Variants in XKR4 observed in about 807,000 individuals in gnomAD.
XKR4 encodes the protein XK related 4, also known as XK-related protein 4.
A neutral mutation model predicts 53.9 loss-of-function variants in XKR4; 12 were observed. The ratio of observed to expected loss-of-function variants is 0.22; its 90% CI spans 0.14 to 0.36. XKR4 has a LOEUF of 0.36. XKR4 is among the 10% of genes least tolerant of loss of function. The pLI is 1.00. For synonymous variants in XKR4, 354 were observed against 362.4 expected, an observed-to-expected ratio of 0.98 and a Z score of 0.26; for missense variants, 799 against 859.5, an observed-to-expected ratio of 0.93 and a Z score of 0.88.
At chr8:55,209,242 C>T (rs12679772) in intron 1 of XKR4, among the ~76,000 whole-genome samples, 35,684 of 136,646 alleles carry the variant, frequency 0.26, 4,685 homozygotes, top group East Asian at 0.47. Context: ...TCTTCTCTCA[C>T]CTGCTCAGCC....
chr8:55,367,419 A>T (rs1804004973), intron 2 of XKR4, among the ~76,000 whole-genome samples: 1 of 152,184 alleles, frequency 6.6e-6, no homozygotes, highest in Admixed American at 6.5e-5. Context: ...AATATGGTTA[A>T]TGTTACTATT....
At chr8:55,461,794 T>C (rs1010125667) in intron 2 of XKR4, among the ~76,000 whole-genome samples, 3 of 152,174 alleles carry the variant, frequency 2.0e-5, no homozygotes, top group African/African-American at 7.2e-5. Context: ...CTGATGGAGC[T>C]GAAAACCAAG....
intron 1 of XKR4, among the ~76,000 whole-genome samples, chr8:55,176,035 G>A (rs1394826782): frequency 6.6e-6 from 1 of 152,160 alleles, no homozygotes; most frequent in Non-Finnish European, 1.5e-5. Flanking sequence ...ATAGAGAGTT[G>A]AGGCTGTCTT....
At chr8:55,289,779 GA>G (rs1818988243) in intron 1 of XKR4, among the ~76,000 whole-genome samples, 1 of 147,074 alleles carries the variant, frequency 6.8e-6, no homozygotes, top group African/African-American at 2.5e-5. Context: ...AAGAGAAAGA[GA>G]GGGAGGGGGA....
chr8:55,205,949 G>A (rs371932592), intron 1 of XKR4, among the ~76,000 whole-genome samples: 5 of 152,134 alleles, frequency 3.3e-5, no homozygotes, highest in East Asian at 1.9e-4. Flanking sequence ...TGGTGGGTTC[G>A]TGGTCTCGCT....
chr8:55,165,342 C>T (rs1817051713), intron 1 of XKR4, among the ~76,000 whole-genome samples: 1 of 151,004 alleles, frequency 6.6e-6, no homozygotes, highest in African/African-American at 2.4e-5. Flanking sequence ...TATTATGCAC[C>T]ATTAGTATTC....
At chr8:55,327,588 T>G (rs1383532465) in intron 1 of XKR4, among the ~76,000 whole-genome samples, 1 of 152,186 alleles carries the variant, frequency 6.6e-6, no homozygotes, top group Non-Finnish European at 1.5e-5. Flanking sequence ...AGTTCTAAAT[T>G]GCTTCAAGGT....
At chr8:55,351,092 T>G (rs1803717172) in intron 1 of XKR4, among the ~76,000 whole-genome samples, 1 of 152,176 alleles carries the variant, frequency 6.6e-6, no homozygotes, top group Non-Finnish European at 1.5e-5. Flanking sequence ...GTGGTGGTGA[T>G]GTTTGCACAG....
chr8:55,177,075 T>C (rs944709657), intron 1 of XKR4, among the ~76,000 whole-genome samples: 59 of 151,736 alleles, frequency 3.9e-4, no homozygotes, highest in African/African-American at 1.4e-3. Flanking sequence ...CTTGCTCTGT[T>C]ACCCAGGCTG....
chr8:55,435,859 A>C (rs1805169781), intron 2 of XKR4, among the ~76,000 whole-genome samples: 1 of 152,082 alleles, frequency 6.6e-6, no homozygotes, highest in Admixed American at 6.6e-5. Context: ...CTTCAATCTA[A>C]TCAAAAGATA....
intron 2 of XKR4, among the ~76,000 whole-genome samples, chr8:55,374,481 G>A (rs2129386529): frequency 1.3e-5 from 2 of 152,342 alleles, no homozygotes; most frequent in East Asian, 3.9e-4. Context: ...GGGAAAAATA[G>A]AAGAGACAAC....
At chr8:55,317,310 G>A (rs577961628) in intron 1 of XKR4, among the ~76,000 whole-genome samples, 2 of 152,138 alleles carry the variant, frequency 1.3e-5, no homozygotes, top group South Asian at 2.1e-4. Context: ...TAATGTCCCC[G>A]AAATGATTGA....
chr8:55,484,290 C>A (rs1288561582), intron 2 of XKR4, among the ~76,000 whole-genome samples: 2 of 152,160 alleles, frequency 1.3e-5, no homozygotes, highest in Non-Finnish European at 2.9e-5. Context: ...TCATCCAGAG[C>A]ATAGAAAAGG....
At chr8:55,494,491 A>G (rs576378002) in intron 2 of XKR4, among the ~76,000 whole-genome samples, 1 of 152,212 alleles carries the variant, frequency 6.6e-6, no homozygotes, top group Non-Finnish European at 1.5e-5. Flanking sequence ...GCATCCAGGA[A>G]GAATGAGGTA....
intron 2 of XKR4, among the ~76,000 whole-genome samples, chr8:55,396,973 G>A (rs1478635583): frequency 1.3e-5 from 2 of 152,146 alleles, no homozygotes; most frequent in Non-Finnish European, 2.9e-5. Context: ...CATTTGCAGG[G>A]CAGTAGTTTG....
chr8:55,426,812 G>A (rs187195681), intron 2 of XKR4, among the ~76,000 whole-genome samples: 5 of 152,326 alleles, frequency 3.3e-5, no homozygotes, highest in Admixed American at 3.3e-4. Flanking sequence ...AAGTTAAGCA[G>A]TTGAATACAT....
chr8:55,388,063 A>T (rs1340557268), intron 2 of XKR4, among the ~76,000 whole-genome samples: 2 of 152,214 alleles, frequency 1.3e-5, no homozygotes, highest in Non-Finnish European at 2.9e-5. Context: ...AATTTTCAGT[A>T]GTTAAATGGT....
At chr8:55,479,054 T>C (rs1806055061) in intron 2 of XKR4, among the ~76,000 whole-genome samples, 1 of 152,112 alleles carries the variant, frequency 6.6e-6, no homozygotes, top group African/African-American at 2.4e-5. Context: ...GCGGACCTAA[T>C]AGACATCTAC....
intron 2 of XKR4, among the ~76,000 whole-genome samples, chr8:55,461,098 T>A (rs1281744099): frequency 6.6e-6 from 1 of 152,200 alleles, no homozygotes; most frequent in Non-Finnish European, 1.5e-5. Context: ...GACTTAAATG[T>A]CCCTGTCTGA....
Sources: gnomAD v4.1 joint callset for allele counts (sites outside exome capture counted in the v4.1 genomes callset) on GRCh38, gnomAD v4.1.1 for gene constraint, MANE v1.5 for transcripts, NCBI Gene and HGNC (gene_info 2026-07-23, HGNC 2026-07-21) for gene names.